Variants in DOK5 observed in about 807,000 individuals in gnomAD.
DOK5 encodes the protein docking protein 5.
In DOK5, 27 loss-of-function variants were observed where a neutral mutation model predicts 43.3. The ratio of observed to expected loss-of-function variants is 0.62; its 90% CI spans 0.46 to 0.86. DOK5 has a LOEUF of 0.86. DOK5 is among the 40% of genes least tolerant of loss of function. The probability of loss-of-function intolerance (pLI) is 0.00; values close to 1 mark genes in which losing one functional copy is unlikely to be tolerated. For synonymous variants in DOK5, 146 were observed against 140.1 expected (o/e 1.04, Z -0.30); for missense variants, 373 against 392.9 (o/e 0.95, Z 0.43).
intron 1 of DOK5, among the ~76,000 whole-genome samples, chr20:54,485,640 G>T (rs1981903044): frequency 6.6e-6 from 1 of 152,206 alleles, no homozygotes; most frequent in African/African-American, 2.4e-5. Context: ...AGGTTTTCAC[G>T]TGAACATACG....
chr20:54,487,621 T>G (rs1981990106), intron 1 of DOK5, among the ~76,000 whole-genome samples: 1 of 152,008 alleles, frequency 6.6e-6, no homozygotes, highest in African/African-American at 2.4e-5. Context: ...TTAAAATAGG[T>G]TTTCTAAAAT....
intron 6 of DOK5, among the ~76,000 whole-genome samples, chr20:54,611,172 A>G (rs189746679): frequency 3.9e-4 from 60 of 152,338 alleles, no homozygotes; most frequent in African/African-American, 1.3e-3. Context: ...GTATATAAAG[A>G]TGCCCAAACA....
At chr20:54,642,047 A>C (rs1979144906) in intron 6 of DOK5, among the ~76,000 whole-genome samples, 1 of 152,174 alleles carries the variant, frequency 6.6e-6, no homozygotes, top group South Asian at 2.1e-4. Context: ...GATTGTGTCT[A>C]AGACCAGGGC....
At chr20:54,546,455 T>A (rs916162008) in intron 1 of DOK5, among the ~76,000 whole-genome samples, 1 of 152,112 alleles carries the variant, frequency 6.6e-6, no homozygotes, top group Non-Finnish European at 1.5e-5. Context: ...ACGTGCAGAT[T>A]TGTTACATAT....
intron 1 of DOK5, among the ~76,000 whole-genome samples, chr20:54,536,606 T>C (rs1018803253): frequency 7.2e-5 from 11 of 151,884 alleles, no homozygotes; most frequent in Admixed American, 2.6e-4. Flanking sequence ...GAAACCCCAA[T>C]AGGCACACAC....
At chr20:54,486,133 A>G (rs149174001) in intron 1 of DOK5, among the ~76,000 whole-genome samples, 126 of 152,226 alleles carry the variant, frequency 8.3e-4, no homozygotes, top group African/African-American at 2.9e-3. Flanking sequence ...TATCTTTTAT[A>G]TTTAAGTCCA....
At chr20:54,508,723 G>C (rs1377631016) in intron 1 of DOK5, among the ~76,000 whole-genome samples, 1 of 151,988 alleles carries the variant, frequency 6.6e-6, no homozygotes, top group Non-Finnish European at 1.5e-5. Context: ...TGGGATTACA[G>C]GCATGTGCCA....
chr20:54,552,450 T>G (rs1212597622), intron 1 of DOK5, among the ~76,000 whole-genome samples: 1 of 138,938 alleles, frequency 7.2e-6, no homozygotes, highest in Non-Finnish European at 1.5e-5. Context: ...ATGTACACTA[T>G]CTATATTACT....
intron 5 of DOK5, among the ~76,000 whole-genome samples, chr20:54,596,786 C>CA (rs1437347469): frequency 6.6e-5 from 10 of 152,198 alleles, no homozygotes; most frequent in African/African-American, 2.4e-4. Context: ...TCCATAAACT[C>CA]AAAGTCTGAG....
chr20:54,594,954 C>T (rs916271258), intron 5 of DOK5, among the ~76,000 whole-genome samples: 3 of 152,104 alleles, frequency 2.0e-5, no homozygotes, highest in Admixed American at 6.5e-5. Context: ...CTGTAGGAAA[C>T]CATAGATACT....
chr20:54,605,048 T>TACACACACACAC (rs1568806382), intron 5 of DOK5, among the ~76,000 whole-genome samples: 47 of 118,480 alleles, frequency 4.0e-4, no homozygotes, highest in Admixed American at 9.9e-4. Flanking sequence ...CACACACACG[T>TACACACACACAC]ATACACACAC....
At chr20:54,640,878 G>A (rs1979079486) in intron 6 of DOK5, among the ~76,000 whole-genome samples, 1 of 152,100 alleles carries the variant, frequency 6.6e-6, no homozygotes, top group Non-Finnish European at 1.5e-5. Flanking sequence ...TGAATTCCAT[G>A]CAAATGAAAT....
chr20:54,542,015 C>G (rs1186664303), intron 1 of DOK5, among the ~76,000 whole-genome samples: 1 of 151,856 alleles, frequency 6.6e-6, no homozygotes. Context: ...TTTAAAATCA[C>G]AATACCCACC....
intron 1 of DOK5, among the ~76,000 whole-genome samples, chr20:54,530,130 A>G (rs1467634289): frequency 6.6e-6 from 1 of 152,218 alleles, no homozygotes; most frequent in Non-Finnish European, 1.5e-5. Flanking sequence ...TAAATCATGC[A>G]CAAGTGCCAT....
chr20:54,527,211 G>T (rs1237304414), intron 1 of DOK5, among the ~76,000 whole-genome samples: 2 of 152,082 alleles, frequency 1.3e-5, no homozygotes, highest in African/African-American at 2.4e-5. Flanking sequence ...CAAATTTCAG[G>T]ATCTTTCGTT....
At chr20:54,519,663 T>C (rs1983322776) in intron 1 of DOK5, among the ~76,000 whole-genome samples, 1 of 152,210 alleles carries the variant, frequency 6.6e-6, no homozygotes, top group African/African-American at 2.4e-5. Context: ...CTAAAGTCTA[T>C]AATATCATTA....
intron 1 of DOK5, among the ~76,000 whole-genome samples, chr20:54,482,428 T>A (rs777462059): frequency 2.0e-5 from 3 of 152,242 alleles, no homozygotes; most frequent in Non-Finnish European, 4.4e-5. Flanking sequence ...ATCCATGCAT[T>A]TTTTATGGTA....
intron 6 of DOK5, among the ~76,000 whole-genome samples, chr20:54,638,798 G>A (rs1254624327): frequency 6.8e-6 from 1 of 146,222 alleles, no homozygotes; most frequent in Non-Finnish European, 1.5e-5. Flanking sequence ...CTTTTGCCCA[G>A]GCTGGAGCGC....
At chr20:54,518,075 G>A (rs1983261454) in intron 1 of DOK5, among the ~76,000 whole-genome samples, 1 of 152,032 alleles carries the variant, frequency 6.6e-6, no homozygotes, top group Non-Finnish European at 1.5e-5. Flanking sequence ...TCACCTCATA[G>A]CATTCTCAGT....
Sources: allele counts gnomAD v4.1 joint callset (sites outside exome capture counted in the v4.1 genomes callset), GRCh38; gene constraint gnomAD v4.1.1; transcripts MANE v1.5; gene names NCBI Gene and HGNC (gene_info 2026-07-23, HGNC 2026-07-21).